C8orf34: variants seen among roughly 807,000 people sequenced by gnomAD.
The protein encoded by C8orf34 is uncharacterized protein C8orf34.
In C8orf34, 65 loss-of-function variants were observed where a neutral mutation model predicts 68.3. The observed-to-expected ratio is 0.95, with a 90% confidence interval of 0.78 to 1.17. The LOEUF (loss-of-function observed/expected upper bound fraction) is 1.17. Ranked by LOEUF, C8orf34 falls within the 50% of genes most tolerant of loss-of-function variation. C8orf34 has a pLI of 0.00. For synonymous variants in C8orf34, 244 were observed against 241.2 expected (o/e 1.01, Z -0.11); for missense variants, 664 against 655.4 (o/e 1.01, Z -0.14).
At chr8:68,710,338 A>G (rs76720175) in intron 9 of C8orf34, among the ~76,000 whole-genome samples, 29,928 of 152,148 alleles carry the variant, frequency 0.2, 3,414 homozygotes, top group Non-Finnish European at 0.26. Context: ...GGTCTGGGGC[A>G]AGTTCTCAGC....
intron 7 of C8orf34, chr8:68,534,423 C>A: frequency 1.3e-6 from 1 of 797,632 alleles, no homozygotes; most frequent in Non-Finnish European, 1.5e-6. Flanking sequence ...AAAATAAAAT[C>A]ATTGTGATCT....
chr8:68,387,908 G>T (rs571748306), intron 1 of C8orf34, among the ~76,000 whole-genome samples: 1 of 152,088 alleles, frequency 6.6e-6, no homozygotes, highest in Non-Finnish European at 1.5e-5. Flanking sequence ...GTTAGTAAAA[G>T]GTATTTACTT....
At chr8:68,344,612 A>G (rs1453926741) in intron 1 of C8orf34, among the ~76,000 whole-genome samples, 1 of 152,218 alleles carries the variant, frequency 6.6e-6, no homozygotes, top group Non-Finnish European at 1.5e-5. Flanking sequence ...GTCTACAATT[A>G]CTTCAAAATA....
chr8:68,724,697 C>T (rs946746681), intron 10 of C8orf34, among the ~76,000 whole-genome samples: 7 of 152,074 alleles, frequency 4.6e-5, no homozygotes, highest in Admixed American at 3.3e-4. Flanking sequence ...TCAGGTAAAG[C>T]CATTTAGTAA....
intron 10 of C8orf34, among the ~76,000 whole-genome samples, chr8:68,755,373 T>C (rs183189125): frequency 3.3e-5 from 5 of 152,152 alleles, no homozygotes; most frequent in Admixed American, 3.3e-4. Context: ...ATAATAGTAA[T>C]AGAGTAATAA....
At chr8:68,346,646 A>G (rs1410508062) in intron 1 of C8orf34, among the ~76,000 whole-genome samples, 3 of 151,936 alleles carry the variant, frequency 2.0e-5, no homozygotes, top group Admixed American at 6.6e-5. Flanking sequence ...TCTTTTTACT[A>G]TCTCCATATT....
chr8:68,359,962 T>C (rs1806914121), intron 1 of C8orf34, among the ~76,000 whole-genome samples: 1 of 152,190 alleles, frequency 6.6e-6, no homozygotes, highest in African/African-American at 2.4e-5. Flanking sequence ...CAAATATTTT[T>C]GAGTGAATAG....
intron 1 of C8orf34, among the ~76,000 whole-genome samples, chr8:68,356,872 A>C (rs1049276797): frequency 6.6e-6 from 1 of 152,146 alleles, no homozygotes; most frequent in African/African-American, 2.4e-5. Flanking sequence ...ATATAGGAGC[A>C]TATAACGCCT....
intron 7 of C8orf34, among the ~76,000 whole-genome samples, chr8:68,555,973 G>T (rs1240874591): frequency 6.6e-6 from 1 of 152,102 alleles, no homozygotes; most frequent in Non-Finnish European, 1.5e-5. Context: ...ACACCTGAGA[G>T]TGTCTAGCAC....
intron 9 of C8orf34, among the ~76,000 whole-genome samples, chr8:68,710,433 A>C (rs1027512530): frequency 1.3e-5 from 2 of 151,968 alleles, no homozygotes; most frequent in Non-Finnish European, 2.9e-5. Context: ...ATTGCTGTTG[A>C]GGGGGCACGG....
At chr8:68,376,184 CATAAAATAAA>C (rs55750047) in intron 1 of C8orf34, among the ~76,000 whole-genome samples, 13,099 of 145,800 alleles carry the variant, frequency 0.09, 658 homozygotes, top group Middle Eastern at 0.12. Flanking sequence ...AAAAGGCAGA[CATAAAATAAA>C]ATAAAATAAA....
chr8:68,809,486 A>T (rs1331487066), intron 12 of C8orf34, among the ~76,000 whole-genome samples: 3 of 136,666 alleles, frequency 2.2e-5, no homozygotes, highest in African/African-American at 9.5e-5. Flanking sequence ...AAGCTGGAGG[A>T]AAGGGTTTTG....
intron 1 of C8orf34, among the ~76,000 whole-genome samples, chr8:68,375,176 T>G (rs1429573387): frequency 6.6e-6 from 1 of 152,312 alleles, no homozygotes; most frequent in African/African-American, 2.4e-5. Flanking sequence ...TGCAATAAAG[T>G]GACATAGAAA....
chr8:68,631,057 G>A (rs1404682897), intron 7 of C8orf34, among the ~76,000 whole-genome samples: 1 of 151,342 alleles, frequency 6.6e-6, no homozygotes, highest in African/African-American at 2.4e-5. Flanking sequence ...TTGAGGTCAG[G>A]AGTTGGAGAC....
chr8:68,417,204 G>C (rs1809710247), intron 1 of C8orf34, among the ~76,000 whole-genome samples: 1 of 152,028 alleles, frequency 6.6e-6, no homozygotes. Context: ...TTATTTCTTA[G>C]AGCATTTTTA....
chr8:68,352,299 T>C (rs1188422822), intron 1 of C8orf34, among the ~76,000 whole-genome samples: 1 of 152,104 alleles, frequency 6.6e-6, no homozygotes, highest in East Asian at 1.9e-4. Context: ...TATATTAAAA[T>C]GTGGGCCTAC....
At chr8:68,563,625 G>T (rs1180257061) in intron 7 of C8orf34, among the ~76,000 whole-genome samples, 2 of 151,708 alleles carry the variant, frequency 1.3e-5, no homozygotes, top group Non-Finnish European at 2.9e-5. Context: ...CATGTTTCAA[G>T]TTTGGGATTA....
rs533790749 is a variant in C8orf34, at chr8:68,542,072, T to C, written c.1105+8923T>C. The stretch of plus-strand genomic sequence containing the variant: ...GGCAATTACTTTTGCACCAACCTAA[T>C]ACAAGGTTACTTGTCTCCCTGATTT... On this transcript the variant is annotated intron_variant, in intron 7 of 13. Coordinates refer to ENST00000518698, the MANE Select transcript of C8orf34 (RefSeq NM_052958.4). 3.9e-5 allele frequency among the ~76,000 whole-genome samples: 6 copies of C among 152,344 alleles called. No homozygotes were observed. In the South Asian group the frequency reaches 1.2e-3, roughly 32 times the overall value.
chr8:68,812,141 T>A (rs947801644), intron 12 of C8orf34, among the ~76,000 whole-genome samples: 1 of 152,162 alleles, frequency 6.6e-6, no homozygotes, highest in Non-Finnish European at 1.5e-5. Context: ...TAATAGAAAC[T>A]TCAACTTGAT....
Sources: allele counts gnomAD v4.1 joint callset (sites outside exome capture counted in the v4.1 genomes callset), GRCh38; gene constraint gnomAD v4.1.1; transcripts MANE v1.5; gene names NCBI Gene and HGNC (gene_info 2026-07-23, HGNC 2026-07-21).